The following CACNA1D variants were observed in gnomAD, a reference collection of about 807,000 sequenced individuals.
The protein encoded by CACNA1D is voltage-dependent L-type calcium channel subunit alpha-1D.
CACNA1D carries 55 observed loss-of-function variants against 257.1 expected under a neutral mutation model. The ratio of observed to expected loss-of-function variants is 0.21; its 90% CI spans 0.17 to 0.27. The LOEUF (loss-of-function observed/expected upper bound fraction) is 0.27, where lower values mean the gene tolerates loss of function less well. Ranked by LOEUF, CACNA1D falls within the 10% of genes least tolerant of loss-of-function variation. The pLI is 1.00. For synonymous variants in CACNA1D, 980 were observed against 1,014.9 expected (o/e 0.97, Z 0.65); for missense variants, 1,876 against 2,784.0 (o/e 0.67, Z 7.34).
At position 53,747,456 on chromosome 3, in the gene CACNA1D, C is replaced by G; in HGVS notation, c.3314+8C>G. 1 of 1,614,042 alleles carries G rather than the reference C, an allele frequency of 6.2e-7. No individual in the cohort carries two copies. The highest frequency in any genetic ancestry group is 8.5e-7 in the Non-Finnish European group (1 of 1,179,906). ...GTTTGAGGGCTGGCCTGCGTAAGTA[C>G]AGGGAGCACACAGTCTTCTGGAGAG... is the stretch of plus-strand genomic sequence containing the variant. On this transcript the variant is annotated splice_region_variant and intron_variant, in intron 26 of 47. Transcript: ENST00000350061.
At chr3:53,551,109 A>T (rs1575835646) in intron 3 of CACNA1D, among the ~76,000 whole-genome samples, 1 of 152,234 alleles carries the variant, frequency 6.6e-6, no homozygotes, top group Non-Finnish European at 1.5e-5. Context: ...GCTGGTTTTT[A>T]ATTAGATGAC....
chr3:53,527,612 T>C (rs1382378982), intron 3 of CACNA1D, among the ~76,000 whole-genome samples: 1 of 152,164 alleles, frequency 6.6e-6, no homozygotes, highest in African/African-American at 2.4e-5. Context: ...CTCAGGGAGG[T>C]TGGGCTGCTG....
chr3:53,622,894 CT>C (rs200259187), intron 3 of CACNA1D, among the ~76,000 whole-genome samples: 3,342 of 144,552 alleles, frequency 0.023, 99 homozygotes, highest in African/African-American at 0.074. Context: ...TGAAAGAAGC[CT>C]TTTTTTTTTT....
At chr3:53,746,504 G>C (rs2095170478) in intron 25 of CACNA1D, among the ~76,000 whole-genome samples, 1 of 152,216 alleles carries the variant, frequency 6.6e-6, no homozygotes, top group South Asian at 2.1e-4. Flanking sequence ...AGACTGTGCA[G>C]AGGCCTGTGT....
intron 7 of CACNA1D, among the ~76,000 whole-genome samples, chr3:53,668,193 C>T (rs75033228): frequency 0.062 from 9,451 of 152,150 alleles, 959 homozygotes; most frequent in African/African-American, 0.21. Context: ...TTGTTTTTCT[C>T]TCTATTGACA....
At chr3:53,501,020 G>C (rs2090577542) in intron 2 of CACNA1D, among the ~76,000 whole-genome samples, 1 of 152,236 alleles carries the variant, frequency 6.6e-6, no homozygotes, top group Non-Finnish European at 1.5e-5. Context: ...GCAGAGGCGG[G>C]AGCTGAAGCC....
chr3:53,732,136 T>C, intron 18 of CACNA1D, 54 bp downstream of exon 18: 3 of 1,359,010 alleles, frequency 2.2e-6, no homozygotes, highest in Non-Finnish European at 3.2e-6. Flanking sequence ...TTGCTACTGC[T>C]CTGTGACCAC....
chr3:53,792,179 C>T (rs1027304943), intron 40 of CACNA1D: 2 of 152,186 alleles, frequency 1.3e-5, no homozygotes, highest in African/African-American at 4.8e-5. Flanking sequence ...TTAAAGAAAT[C>T]TAGGCAATGC....
intron 6 of CACNA1D, among the ~76,000 whole-genome samples, chr3:53,666,074 A>G (rs188874455): frequency 6.0e-4 from 92 of 152,286 alleles, no homozygotes; most frequent in Admixed American, 2.2e-3. Flanking sequence ...AGGCAAACCA[A>G]CAGCATTGTG....
chr3:53,523,244 G>C (rs1279275020), intron 3 of CACNA1D, among the ~76,000 whole-genome samples: 1 of 152,182 alleles, frequency 6.6e-6, no homozygotes, highest in Non-Finnish European at 1.5e-5. Context: ...GTGTAGTCCT[G>C]CTGGGTGCCC....
At position 53,774,681 on chromosome 3, in the gene CACNA1D, G is replaced by A. The variant is rs1360094496; in HGVS notation, c.4202+3G>A. ...CAGGCGGTGCTGCTGCTCTTCAGGTGACTGCAACTGGCTTGGGCGGTGCTC... is the reference window on the plus strand; with the variant it reads ...CAGGCGGTGCTGCTGCTCTTCAGGTAACTGCAACTGGCTTGGGCGGTGCTC... On this transcript the variant is annotated splice_donor_region_variant and intron_variant, in intron 34 of 47. Coordinates refer to ENST00000350061, the MANE Select transcript of CACNA1D (RefSeq NM_001128840.3). This position sits in a 1 kb window ranked among gnomAD's most constrained non-coding sequence, Gnocchi z 4.3. The A allele has an allele frequency of 6.3e-7, 1 of 1,591,896 alleles. No homozygotes were observed. Among genetic ancestry groups the A allele is most frequent in the Non-Finnish European group, 8.6e-7 (1 of 1,159,830 alleles).
rs1446571723 is a variant in CACNA1D at position 53,811,185 on chromosome 3, G to A, written c.6265G>A (p.Ala2089Thr). 3 of 1,613,942 alleles carry A rather than the reference G, an allele frequency of 1.9e-6. No individual in the cohort carries two copies. Among genetic ancestry groups the A allele is most frequent in the Non-Finnish European group, 2.5e-6 (3 of 1,179,974 alleles). Residue 2089 changes from alanine (A) to threonine (T), a missense_variant, in exon 48 of 48, where the codon GCT (alanine) becomes ACT (threonine). Ala to Thr is a moderately conservative substitution (Grantham distance 58). Transcript: ENST00000350061. This position sits in a 1 kb window ranked among gnomAD's most constrained non-coding sequence, Gnocchi z 4.2. The stretch of plus-strand genomic sequence containing the variant: ...TGTGTCAGCAACAAAACACGAAATC[G>A]CTGATGCCTGTGACCTCACCATCGA... ...KFVSATKHEI[A>T]DACDLTIDEM...
chr3:53,769,569 G>T (rs1415661582), intron 30 of CACNA1D, among the ~76,000 whole-genome samples: 1 of 152,230 alleles, frequency 6.6e-6, no homozygotes, highest in African/African-American at 2.4e-5. Flanking sequence ...CCCTCTGCTA[G>T]AGACATTCTG....
chr3:53,733,785 G>A (rs2095023674), intron 19 of CACNA1D, among the ~76,000 whole-genome samples: 1 of 151,816 alleles, frequency 6.6e-6, no homozygotes, highest in South Asian at 2.1e-4. Flanking sequence ...ACACAGGTGG[G>A]AAGCAAGGCC....
At chr3:53,509,904 G>A (rs2091036708) in intron 3 of CACNA1D, among the ~76,000 whole-genome samples, 1 of 152,194 alleles carries the variant, frequency 6.6e-6, no homozygotes, top group South Asian at 2.1e-4. Context: ...TATAAGAAAG[G>A]AAATTGAGGC....
intron 3 of CACNA1D, among the ~76,000 whole-genome samples, chr3:53,593,880 G>A (rs1319725645): frequency 6.6e-6 from 1 of 152,224 alleles, no homozygotes; most frequent in African/African-American, 2.4e-5. Context: ...AGCGGAGATG[G>A]CTGCAGTCCC....
chr3:53,614,359 G>T (rs200399377), intron 3 of CACNA1D, among the ~76,000 whole-genome samples: 1 of 152,094 alleles, frequency 6.6e-6, no homozygotes, highest in Non-Finnish European at 1.5e-5. Context: ...CCAGAAATCC[G>T]CCCTCTAGGG....
At chr3:53,753,486 G>GGCACAGAGGGCTGGGAGCCTCCATGT (rs1328344947) in intron 28 of CACNA1D, 86 bp from the exon 29 acceptor site, 6 of 911,188 alleles carry the variant, frequency 6.6e-6, no homozygotes, top group Non-Finnish European at 1.1e-5. Context: ...TGCCCACAGG[G>GGCACAGAGGGCTGGGAGCCTCCATGT]GCACAGAGGG....
In CACNA1D at chr3:53,726,839, G is replaced by A. The variant is rs372839982; in HGVS notation, c.2101-40G>A. 4.3e-6 allele frequency: 7 copies of A among 1,613,966 alleles called. No homozygotes were observed. In the African/African-American group the frequency reaches 8.0e-5, roughly 18 times the overall value. ...GGCTCTAAGAGAGCGGCTGCAATTTGTGAATCCACCTGCTGGCTGATACCA... is the reference window on the plus strand; with the variant it reads ...GGCTCTAAGAGAGCGGCTGCAATTTATGAATCCACCTGCTGGCTGATACCA... On this transcript the variant is annotated intron_variant, in intron 14 of 47. Transcript: ENST00000350061.
Sources: gnomAD v4.1 joint callset for allele counts (sites outside exome capture counted in the v4.1 genomes callset) on GRCh38, gnomAD v4.1.1 for gene constraint, Gnocchi (gnomAD v3.1) non-coding constraint, MANE v1.5 for transcripts, NCBI Gene and HGNC (gene_info 2026-07-23, HGNC 2026-07-21) for gene names.